Variants in RYR3 observed in about 807,000 individuals in gnomAD.
RYR3 encodes ryanodine receptor 3, also known as brain ryanodine receptor-calcium release channel.
A neutral mutation model predicts 584.3 loss-of-function variants in RYR3; 207 were observed. That is an observed-to-expected ratio of 0.35 (90% CI 0.32 to 0.40). The LOEUF (loss-of-function observed/expected upper bound fraction) is 0.40. RYR3 is among the 10% of genes least tolerant of loss of function. RYR3 has a pLI of 1.00. For missense variants in RYR3, 5,616 were observed against 6,089.2 expected (o/e 0.92, Z 2.59); for synonymous variants, 2,416 against 2,248.5 (o/e 1.07, Z -2.11).
chr15:33,526,376 T>C (rs1259379395), intron 3 of RYR3, among the ~76,000 whole-genome samples: 4 of 152,176 alleles, frequency 2.6e-5, no homozygotes, highest in Non-Finnish European at 5.9e-5. Context: ...CCAAATATTT[T>C]CCTTCTGCCA....
chr15:33,440,759 G>A (rs2046155505), intron 1 of RYR3, among the ~76,000 whole-genome samples: 1 of 152,146 alleles, frequency 6.6e-6, no homozygotes, highest in Non-Finnish European at 1.5e-5. Context: ...GTAAAACCTG[G>A]CTCTTTAAAT....
At chr15:33,753,995 A>C (rs2071572344) in intron 57 of RYR3, among the ~76,000 whole-genome samples, 1 of 152,192 alleles carries the variant, frequency 6.6e-6, no homozygotes, top group Non-Finnish European at 1.5e-5. Flanking sequence ...AATACAAAAA[A>C]TTAGCCAGGA....
At chr15:33,335,803 G>C (rs1165794665) in intron 1 of RYR3, among the ~76,000 whole-genome samples, 7 of 151,040 alleles carry the variant, frequency 4.6e-5, no homozygotes. Context: ...TTATGTATTT[G>C]TTTATTTATT....
chr15:33,662,807 T>C lies in RYR3; in HGVS notation c.5277T>C (p.Ser1759=), dbSNP rs1211655977. Residue 1759 remains serine, a synonymous_variant, in exon 35 of 104, where the codon AGT becomes AGC. Coordinates refer to ENST00000634891, the MANE Select transcript of RYR3 (RefSeq NM_001036.6). ...LIDPSVFGEH[S]AGTEEGAEKE... is the part of the protein sequence containing the mutation. ...ATCCCTCTGTGTTTGGGGAGCATAG[T>C]GCGGGGACAGAGGAGGGAGCAGAAA... The C allele has an allele frequency of 1.2e-6, 2 of 1,613,802 alleles. No homozygotes were observed. The highest frequency in any genetic ancestry group is 1.3e-5 in the African/African-American group (1 of 74,986).
intron 12 of RYR3, among the ~76,000 whole-genome samples, chr15:33,577,542 T>A (rs1011662563): frequency 6.6e-6 from 1 of 152,188 alleles, no homozygotes; most frequent in Non-Finnish European, 1.5e-5. Flanking sequence ...TAATAAATGA[T>A]GCTGGGAGAA....
intron 57 of RYR3, among the ~76,000 whole-genome samples, chr15:33,750,574 T>A (rs2071182963): frequency 6.6e-6 from 1 of 152,216 alleles, no homozygotes; most frequent in Non-Finnish European, 1.5e-5. Context: ...ACAAACCTTG[T>A]GCTATGGGCT....
At chr15:33,793,438 T>C (rs1339568243) in intron 67 of RYR3, among the ~76,000 whole-genome samples, 2 of 152,162 alleles carry the variant, frequency 1.3e-5, no homozygotes, top group Non-Finnish European at 2.9e-5. Context: ...GCTTGGTCTT[T>C]CTGGTAACCA....
At chr15:33,530,296 C>T (rs1405069787) in intron 3 of RYR3, among the ~76,000 whole-genome samples, 1 of 152,178 alleles carries the variant, frequency 6.6e-6, no homozygotes, top group Non-Finnish European at 1.5e-5. Context: ...TAAGCAGTAC[C>T]TATGTCACTT....
At chr15:33,636,070 C>G (rs1238111350) in intron 26 of RYR3, among the ~76,000 whole-genome samples, 1 of 152,190 alleles carries the variant, frequency 6.6e-6, no homozygotes, top group South Asian at 2.1e-4. Context: ...AGCCCATTGA[C>G]TCCACTCCAG....
intron 13 of RYR3, among the ~76,000 whole-genome samples, chr15:33,581,300 A>G (rs1274389295): frequency 6.6e-6 from 1 of 152,098 alleles, no homozygotes; most frequent in Non-Finnish European, 1.5e-5. Context: ...CACTCTCCAA[A>G]TGGATGCTAT....
intron 80 of RYR3, among the ~76,000 whole-genome samples, chr15:33,822,305 A>T (rs2152959511): frequency 6.6e-6 from 1 of 152,322 alleles, no homozygotes; most frequent in East Asian, 1.9e-4. Context: ...TGTACAGGGA[A>T]GTGAAATTTC....
At chr15:33,435,467 G>A (rs889143188) in intron 1 of RYR3, among the ~76,000 whole-genome samples, 1 of 152,062 alleles carries the variant, frequency 6.6e-6, no homozygotes, top group African/African-American at 2.4e-5. Context: ...ATATGTGTAT[G>A]TGTGTGTGTG....
intron 43 of RYR3, among the ~76,000 whole-genome samples, chr15:33,708,151 C>T (rs1454002868): frequency 6.6e-6 from 1 of 152,178 alleles, no homozygotes; most frequent in Non-Finnish European, 1.5e-5. Flanking sequence ...TTAGAGTATC[C>T]TCTAATAGCC....
chr15:33,643,267 C>G (rs553778756), intron 27 of RYR3, among the ~76,000 whole-genome samples: 7 of 152,328 alleles, frequency 4.6e-5, no homozygotes, highest in African/African-American at 1.7e-4. Context: ...GCGCTCTCTG[C>G]AGCCTCCAGC....
chr15:33,522,494 C>T (rs543671596), intron 3 of RYR3, among the ~76,000 whole-genome samples: 2 of 152,050 alleles, frequency 1.3e-5, no homozygotes, highest in Non-Finnish European at 2.9e-5. Context: ...GCTTTAGATT[C>T]GTATTAATTA....
At chr15:33,633,421 G>A (rs530378005) in intron 24 of RYR3, among the ~76,000 whole-genome samples, 2 of 152,196 alleles carry the variant, frequency 1.3e-5, no homozygotes, top group South Asian at 4.1e-4. Context: ...AGTCCATTGG[G>A]CCAACGATTT....
intron 59 of RYR3, 99 bp downstream of exon 59, chr15:33,756,472 A>C (rs549676537): frequency 4.7e-6 from 4 of 853,776 alleles, no homozygotes; most frequent in African/African-American, 3.4e-5. Context: ...TAAAACTCCA[A>C]TGGCTTCAGT....
intron 1 of RYR3, among the ~76,000 whole-genome samples, chr15:33,326,816 T>G (rs1969760033): frequency 1.3e-5 from 2 of 152,162 alleles, no homozygotes; most frequent in South Asian, 4.1e-4. Flanking sequence ...TGCAATTAAG[T>G]CTAAAAATTT....
chr15:33,634,428 G>A (rs2061409048), intron 24 of RYR3, among the ~76,000 whole-genome samples, 158 bp from the exon 25 acceptor site: 1 of 152,180 alleles, frequency 6.6e-6, no homozygotes, highest in Non-Finnish European at 1.5e-5. Flanking sequence ...AGGAGAAGTG[G>A]CAATATGTAC....
Sources: gnomAD v4.1 joint callset for allele counts (sites outside exome capture counted in the v4.1 genomes callset) on GRCh38, gnomAD v4.1.1 for gene constraint, MANE v1.5 for transcripts, NCBI Gene and HGNC (gene_info 2026-07-23, HGNC 2026-07-21) for gene names.